Variants in SDC2 observed in about 807,000 individuals in gnomAD.
The protein encoded by SDC2 is syndecan 2.
Under a neutral mutation model 22.2 loss-of-function variants are expected in SDC2, and 13 were observed. The observed-to-expected ratio is 0.59, with a 90% CI of 0.38 to 0.93. The LOEUF is 0.93. SDC2 is among the 40% of genes least tolerant of loss of function. SDC2 has a pLI of 0.00. For synonymous variants in SDC2, 94 were observed against 92.8 expected (o/e 1.01, Z -0.07); for missense variants, 235 against 246.8 (o/e 0.95, Z 0.32).
At chr8:96,555,208 A>G (rs985000936) in intron 1 of SDC2, among the ~76,000 whole-genome samples, 3 of 152,118 alleles carry the variant, frequency 2.0e-5, no homozygotes, top group African/African-American at 7.2e-5. Flanking sequence ...AGGATGCCTC[A>G]TACTTAAGAG....
At position 96,610,556 on chromosome 8, in the gene SDC2, G is replaced by A. The variant is rs1326524019; in HGVS notation, c.*1008G>A. On this transcript the variant is annotated 3_prime_UTR_variant, in exon 5 of 5. Transcript: ENST00000302190. Reference sequence around the variant, plus strand: ...TTTATAAGCACAGACAATTCTAATGGTAACTTTTGTAGTCTTATGAATAGA... The same window carrying A: ...TTTATAAGCACAGACAATTCTAATGATAACTTTTGTAGTCTTATGAATAGA... 1 of 152,574 alleles carries A rather than the reference G, an allele frequency of 6.6e-6. No homozygotes were observed. The highest frequency in any genetic ancestry group is 1.5e-5 in the Non-Finnish European group (1 of 68,038). The allele number at this position is 152,574 out of a possible 1,614,324, so 9.5% of individuals were successfully genotyped here. A position where few individuals can be genotyped will look rare whatever the true frequency, so the allele number is the denominator to read the frequency against.
rs1814819255 is a variant in SDC2, at chr8:96,593,472, T to G, written c.61-8T>G. 6.3e-7 allele frequency: 1 copy of G among 1,599,094 alleles called. No homozygotes were observed. The highest frequency in any genetic ancestry group is 1.1e-5 in the South Asian group (1 of 90,702). ...AACATCCTGACTCCCTTGTCTTTCCTTTCTCAGAGAGCAGAGCTGACATCT... is the reference window on the plus strand; with the variant it reads ...AACATCCTGACTCCCTTGTCTTTCCGTTCTCAGAGAGCAGAGCTGACATCT... On this transcript the variant is annotated splice_region_variant and splice_polypyrimidine_tract_variant and intron_variant, in intron 1 of 4. Transcript: ENST00000302190.
chr8:96,508,082 G>T (rs1355020787), intron 1 of SDC2, among the ~76,000 whole-genome samples: 5 of 152,126 alleles, frequency 3.3e-5, no homozygotes, highest in Admixed American at 6.5e-5. Flanking sequence ...GGATCACGAG[G>T]CCAGGAGATC....
intron 2 of SDC2, among the ~76,000 whole-genome samples, chr8:96,596,021 A>G (rs570666986): frequency 2.0e-5 from 3 of 152,216 alleles, no homozygotes; most frequent in Non-Finnish European, 4.4e-5. Context: ...CAGTACTTGT[A>G]ACTAAAATTT....
In SDC2 at chr8:96,594,030, A is replaced by G. The variant is rs143865363; in HGVS notation, c.172+439A>G. Among the ~76,000 whole-genome samples the G allele has an allele frequency of 9.8e-5, 15 of 152,358 alleles. No individual in the cohort carries two copies. In the East Asian group the frequency reaches 2.5e-3, roughly 25 times the overall value. ...CCACCTACCCTATGTTAAAAATTGT[A>G]GATGAGACCAAGAAGTTAATACGTT... On this transcript the variant is annotated intron_variant, in intron 2 of 4. Coordinates refer to ENST00000302190, the MANE Select transcript of SDC2 (RefSeq NM_002998.4).
At chr8:96,542,006 C>T (rs556948916) in intron 1 of SDC2, among the ~76,000 whole-genome samples, 1 of 152,262 alleles carries the variant, frequency 6.6e-6, no homozygotes, top group South Asian at 2.1e-4. Flanking sequence ...GAATAGGGAA[C>T]ACAAGGTCAT....
intron 1 of SDC2, among the ~76,000 whole-genome samples, chr8:96,512,092 A>G (rs1813336556): frequency 6.6e-6 from 1 of 152,152 alleles, no homozygotes; most frequent in South Asian, 2.1e-4. Context: ...GAACATACCC[A>G]TTCCTTTTAA....
At chr8:96,518,446 C>T (rs1340268105) in intron 1 of SDC2, among the ~76,000 whole-genome samples, 2 of 151,228 alleles carry the variant, frequency 1.3e-5, no homozygotes, top group Non-Finnish European at 2.9e-5. Context: ...CTGCAAGCTC[C>T]GCCTCCCAGG....
chr8:96,514,775 C>T (rs1813377331), intron 1 of SDC2, among the ~76,000 whole-genome samples: 2 of 152,086 alleles, frequency 1.3e-5, no homozygotes, highest in Admixed American at 6.5e-5. Flanking sequence ...CAGGGGTTTG[C>T]ATTCCTAGGG....
chr8:96,552,002 C>T (rs1370747108), intron 1 of SDC2, among the ~76,000 whole-genome samples: 3 of 152,130 alleles, frequency 2.0e-5, no homozygotes, highest in African/African-American at 7.2e-5. Flanking sequence ...GTTCATGCTG[C>T]GTCCCTAGAC....
Position 96,494,485 on chromosome 8 carries a change from C to A in SDC2, c.60+154C>A, listed in dbSNP as rs1437891598. ...GGACAAATGCGCTCGTCCGGTCACCCTTTCCCCCTCTTCCCTTCCTCAGAA... is the reference window on the plus strand; with the variant it reads ...GGACAAATGCGCTCGTCCGGTCACCATTTCCCCCTCTTCCCTTCCTCAGAA... On this transcript the variant is annotated intron_variant, in intron 1 of 4. Transcript: ENST00000302190. 3 of 682,742 alleles carry A rather than the reference C, an allele frequency of 4.4e-6. No homozygotes were observed. In the Admixed American group the frequency reaches 9.7e-5, roughly 22 times the overall value. The allele number at this position is 682,742 out of a possible 1,614,324, so 42.3% of individuals were successfully genotyped here.
chr8:96,544,665 C>T (rs997535619), intron 1 of SDC2, among the ~76,000 whole-genome samples: 1 of 152,152 alleles, frequency 6.6e-6, no homozygotes, highest in African/African-American at 2.4e-5. Context: ...ATTTCTCATT[C>T]ATCTTGGTGT....
At chr8:96,527,152 A>G (rs1400378008) in intron 1 of SDC2, among the ~76,000 whole-genome samples, 1 of 152,304 alleles carries the variant, frequency 6.6e-6, no homozygotes, top group East Asian at 1.9e-4. Context: ...CAGGGGGAAG[A>G]GGGCAGGCAC....
chr8:96,536,861 G>A (rs1326185680), intron 1 of SDC2, among the ~76,000 whole-genome samples: 1 of 152,170 alleles, frequency 6.6e-6, no homozygotes, highest in Non-Finnish European at 1.5e-5. Context: ...GACTCAGTCT[G>A]CTGTTGGCCA....
intron 1 of SDC2, among the ~76,000 whole-genome samples, chr8:96,547,768 T>C (rs1448851106): frequency 2.0e-5 from 3 of 151,926 alleles, no homozygotes; most frequent in Non-Finnish European, 2.9e-5. Flanking sequence ...TGTATGTATG[T>C]ATTTGCTTTT....
At chr8:96,583,369 C>A (rs974430218) in intron 1 of SDC2, among the ~76,000 whole-genome samples, 1 of 135,468 alleles carries the variant, frequency 7.4e-6, no homozygotes, top group East Asian at 2.0e-4. Flanking sequence ...TATTATATAT[C>A]ATATATAAAA....
chr8:96,574,240 G>A (rs1323152567), intron 1 of SDC2, among the ~76,000 whole-genome samples: 1 of 152,116 alleles, frequency 6.6e-6, no homozygotes, highest in East Asian at 1.9e-4. Context: ...GCTGGACACA[G>A]ACTAGATCTT....
intron 1 of SDC2, among the ~76,000 whole-genome samples, chr8:96,521,258 G>T (rs1393773018): frequency 2.6e-5 from 4 of 152,164 alleles, no homozygotes; most frequent in Non-Finnish European, 5.9e-5. Flanking sequence ...ACTGTCCAGG[G>T]ATATTCAGAT....
intron 1 of SDC2, among the ~76,000 whole-genome samples, chr8:96,582,467 T>G (rs1306488991): frequency 6.6e-6 from 1 of 152,256 alleles, no homozygotes; most frequent in Non-Finnish European, 1.5e-5. Flanking sequence ...CCTTCTTTTT[T>G]AGCTTTCTTG....
Sources: allele counts gnomAD v4.1 joint callset (sites outside exome capture counted in the v4.1 genomes callset), GRCh38; gene constraint gnomAD v4.1.1; transcripts MANE v1.5; gene names NCBI Gene and HGNC (gene_info 2026-07-23, HGNC 2026-07-21).